Variants in PCDHA12 observed in about 807,000 individuals in gnomAD.
PCDHA12 encodes the protein protocadherin alpha 12.
PCDHA12 carries 44 observed loss-of-function variants against 60.0 expected under a neutral mutation model. The ratio of observed to expected loss-of-function variants is 0.73; its 90% confidence interval spans 0.58 to 0.94. The LOEUF is 0.94. Ranked by LOEUF, PCDHA12 falls within the 40% of genes least tolerant of loss-of-function variation. The pLI, the probability that PCDHA12 is intolerant of heterozygous loss-of-function variation, is 0.00. For synonymous variants in PCDHA12, 569 were observed against 553.0 expected (o/e 1.03, Z -0.40); for missense variants, 1,276 against 1,239.7 (o/e 1.03, Z -0.44).
intron 1 of PCDHA12, among the ~76,000 whole-genome samples, chr5:140,945,624 C>T (rs1248945489): frequency 6.6e-6 from 1 of 152,028 alleles, no homozygotes; most frequent in African/African-American, 2.4e-5. Flanking sequence ...ATGGTACTGG[C>T]ATAAAAGACA....
intron 1 of PCDHA12, among the ~76,000 whole-genome samples, chr5:140,902,590 A>G (rs1266008229): frequency 6.6e-6 from 1 of 151,942 alleles, no homozygotes; most frequent in African/African-American, 2.4e-5. Flanking sequence ...TAGTTTTGGG[A>G]AACAGGTCGT....
rs547015879 is a variant in PCDHA12 at position 140,902,341 on chromosome 5, G to A, written c.2367+24502G>A. 1.8e-3 allele frequency among the ~76,000 whole-genome samples: 276 copies of A among 151,446 alleles called. 1 individual carries two copies. The highest frequency in any genetic ancestry group is 3.7e-3 in the Non-Finnish European group (250 of 67,812). The stretch of plus-strand genomic sequence containing the variant: ...GTGTAACTCACTTCGCCTGGCCTAG[G>A]AAGCCCTTTATTTCTTTCTCTTGTC... On this transcript the variant is annotated intron_variant, in intron 1 of 3. Transcript: ENST00000398631.
intron 1 of PCDHA12, among the ~76,000 whole-genome samples, chr5:140,907,278 A>G (rs558447183): frequency 2.6e-5 from 4 of 152,338 alleles, no homozygotes; most frequent in African/African-American, 7.2e-5. Context: ...CCATCATTCT[A>G]TCAATCCAGC....
intron 1 of PCDHA12, among the ~76,000 whole-genome samples, chr5:140,889,326 G>A (rs2062188363): frequency 6.6e-6 from 1 of 151,922 alleles, no homozygotes; most frequent in African/African-American, 2.4e-5. Flanking sequence ...TCTGTATCAG[G>A]ATTTTGATTG....
intron 1 of PCDHA12, among the ~76,000 whole-genome samples, chr5:140,896,384 C>T (rs778057567): frequency 2.0e-5 from 3 of 152,172 alleles, no homozygotes; most frequent in Non-Finnish European, 4.4e-5. Flanking sequence ...TCTGCAACCT[C>T]ACCAGCATCT....
chr5:140,929,927 G>A (rs2086481303), intron 1 of PCDHA12: 1 of 152,202 alleles, frequency 6.6e-6, no homozygotes, highest in Non-Finnish European at 1.5e-5. Flanking sequence ...ATAAAAAACA[G>A]TGTATTCTCT....
chr5:140,944,136 G>A (rs536816208), intron 1 of PCDHA12, among the ~76,000 whole-genome samples: 3 of 152,136 alleles, frequency 2.0e-5, no homozygotes, highest in African/African-American at 7.2e-5. Context: ...AAAGGTTGAA[G>A]ATTAGAAGAG....
At chr5:140,939,841 T>C (rs1269688667) in intron 1 of PCDHA12, among the ~76,000 whole-genome samples, 5 of 152,344 alleles carry the variant, frequency 3.3e-5, no homozygotes, top group Middle Eastern at 3.4e-3. Context: ...TGCTTGTTGT[T>C]GTGTTCTGTA....
At chr5:140,935,633 C>T (rs1316098876) in intron 1 of PCDHA12, among the ~76,000 whole-genome samples, 4 of 152,046 alleles carry the variant, frequency 2.6e-5, no homozygotes, top group African/African-American at 7.2e-5. Context: ...AAATTTAGGG[C>T]TTGCTTTTTA....
chr5:140,926,538 G>A (rs155362), intron 1 of PCDHA12: 1 of 210,368 alleles, frequency 4.8e-6, no homozygotes, highest in Admixed American at 5.9e-5. Flanking sequence ...CAGCCAGCGT[G>A]GTGGTCGAGA....
intron 1 of PCDHA12, among the ~76,000 whole-genome samples, chr5:140,918,454 C>A (rs1168986520): frequency 6.6e-6 from 1 of 152,158 alleles, no homozygotes; most frequent in Non-Finnish European, 1.5e-5. Context: ...CAGTGGGCAT[C>A]CTTGTCTTAT....
chr5:140,956,497 A>G (rs2095288493), intron 1 of PCDHA12, among the ~76,000 whole-genome samples: 2 of 152,190 alleles, frequency 1.3e-5, no homozygotes, highest in Admixed American at 1.3e-4. Flanking sequence ...CCAGGGATGA[A>G]GCCTACTTGA....
At chr5:140,996,987 A>G (rs1554255592) in intron 3 of PCDHA12, among the ~76,000 whole-genome samples, 1 of 152,134 alleles carries the variant, frequency 6.6e-6, no homozygotes, top group African/African-American at 2.4e-5. Context: ...TGAAGCAACC[A>G]CTGTTAACAA....
intron 3 of PCDHA12, among the ~76,000 whole-genome samples, chr5:140,984,356 A>G (rs556586072): frequency 1.3e-5 from 2 of 152,362 alleles, no homozygotes; most frequent in African/African-American, 4.8e-5. Flanking sequence ...GATATTTCAT[A>G]CATCTGGCCA....
At position 140,875,365 on chromosome 5, in the gene PCDHA12, A is replaced by T; in HGVS notation, c.-108A>T. On this transcript the variant is annotated 5_prime_UTR_variant, in exon 1 of 4. Transcript: ENST00000398631. ...CCATAATGACTGTGATGCTGGAAAA[A>T]ATTTACTAAATATGTACTTACAGAA... 6.9e-7 allele frequency: 1 copy of T among 1,449,394 alleles called. No individual in the cohort carries two copies. Among genetic ancestry groups the T allele is most frequent in the Non-Finnish European group, 9.1e-7 (1 of 1,101,988 alleles). 89.8% of individuals were successfully genotyped at this position (1,449,394 alleles called of 1,614,324 possible). A position where few individuals can be genotyped will look rare whatever the true frequency, so the allele number is the denominator to read the frequency against.
chr5:140,998,220 C>G (rs1554256199), intron 3 of PCDHA12, among the ~76,000 whole-genome samples: 1 of 152,106 alleles, frequency 6.6e-6, no homozygotes, highest in African/African-American at 2.4e-5. Context: ...ATAACCACAC[C>G]CAGAAATTTG....
chr5:140,981,612 T>C (rs2096940396), intron 2 of PCDHA12, among the ~76,000 whole-genome samples: 1 of 152,110 alleles, frequency 6.6e-6, no homozygotes, highest in Non-Finnish European at 1.5e-5. Context: ...CCTCTAATTT[T>C]GATGAGGGTT....
At chr5:140,905,910 A>G (rs2153491860) in intron 1 of PCDHA12, among the ~76,000 whole-genome samples, 1 of 152,334 alleles carries the variant, frequency 6.6e-6, no homozygotes, top group Admixed American at 6.5e-5. Context: ...GGAGCAAGGA[A>G]TCCAATCTGA....
At chr5:140,915,699 C>G (rs1321126272) in intron 1 of PCDHA12, among the ~76,000 whole-genome samples, 1 of 151,944 alleles carries the variant, frequency 6.6e-6, no homozygotes, top group Non-Finnish European at 1.5e-5. Context: ...GTGATGCAAG[C>G]ACTCCTGTGG....
Sources: gnomAD v4.1 joint callset for allele counts (sites outside exome capture counted in the v4.1 genomes callset) on GRCh38, gnomAD v4.1.1 for gene constraint, MANE v1.5 for transcripts, NCBI Gene and HGNC (gene_info 2026-07-23, HGNC 2026-07-21) for gene names.